CNTN3: variants seen among roughly 807,000 people sequenced by gnomAD.
The protein encoded by CNTN3 is contactin 3.
Under a neutral mutation model 119.1 loss-of-function variants are expected in CNTN3, and 60 were observed. The ratio of observed to expected loss-of-function variants is 0.50; its 90% CI spans 0.41 to 0.62. The LOEUF is 0.62. Ranked by LOEUF, CNTN3 falls within the 20% of genes least tolerant of loss-of-function variation. The pLI is 0.00. For missense variants in CNTN3, 1,101 were observed against 1,242.4 expected (o/e 0.89, Z 1.71); for synonymous variants, 450 against 438.7 (o/e 1.03, Z -0.32).
intron 20 of CNTN3, among the ~76,000 whole-genome samples, chr3:74,279,603 C>G (rs56660525): frequency 6.7e-6 from 1 of 148,516 alleles, no homozygotes; most frequent in Admixed American, 6.8e-5. Flanking sequence ...GACGCAAAGG[C>G]GTAAGAATGA....
At chr3:74,506,060 A>G (rs1703254099) in intron 2 of CNTN3, among the ~76,000 whole-genome samples, 1 of 152,198 alleles carries the variant, frequency 6.6e-6, no homozygotes, top group South Asian at 2.1e-4. Flanking sequence ...CTTTCAAAGC[A>G]TGGAGATTTT....
At position 74,327,597 on chromosome 3, in the gene CNTN3, T is replaced by C. The variant is rs1368351444; in HGVS notation, c.1668+7138A>G. ...AATAAGTTAAAAATATTTCACACTTTTAATGTTGTCAAATAGTTTACATAA... is the reference window on the plus strand; with the variant it reads ...AATAAGTTAAAAATATTTCACACTTCTAATGTTGTCAAATAGTTTACATAA... On this transcript the variant is annotated intron_variant, in intron 13 of 22. Coordinates refer to ENST00000263665, the MANE Select transcript of CNTN3 (RefSeq NM_020872.3). 3.9e-5 allele frequency among the ~76,000 whole-genome samples: 6 copies of C among 152,294 alleles called. No homozygotes were observed. The South Asian group carries it at 6.2e-4, about 16-fold the overall frequency.
intron 5 of CNTN3, among the ~76,000 whole-genome samples, chr3:74,422,088 T>C (rs1169551956): frequency 6.6e-6 from 1 of 152,198 alleles, no homozygotes; most frequent in African/African-American, 2.4e-5. Flanking sequence ...TATTTACTGT[T>C]TGTTACAAAC....
intron 1 of CNTN3, among the ~76,000 whole-genome samples, chr3:74,608,256 G>A (rs999417961): frequency 5.9e-5 from 9 of 152,134 alleles, no homozygotes; most frequent in African/African-American, 2.2e-4. Context: ...AAGTGAAATA[G>A]ACTATTCTCG....
At position 74,373,333 on chromosome 3, in the gene CNTN3, G is replaced by A. The variant is rs116571467; in HGVS notation, c.455-1934C>T. Among the ~76,000 whole-genome samples, 676 of 152,218 alleles carry A rather than the reference G, an allele frequency of 4.4e-3. 6 individuals carry two copies. The highest frequency in any genetic ancestry group is 0.015 in the African/African-American group (640 of 41,546). On this transcript the variant is annotated intron_variant, in intron 5 of 22. Coordinates refer to ENST00000263665, the MANE Select transcript of CNTN3 (RefSeq NM_020872.3). Reference sequence around the variant, plus strand: ...CCCTTCAGGGTCTTCCTGCTGCTCCGGCAACCTCACTTTGCAGTAAAGGAG... The same window carrying A: ...CCCTTCAGGGTCTTCCTGCTGCTCCAGCAACCTCACTTTGCAGTAAAGGAG...
intron 1 of CNTN3, among the ~76,000 whole-genome samples, chr3:74,549,629 G>A (rs1703961643): frequency 6.6e-6 from 1 of 152,124 alleles, no homozygotes; most frequent in East Asian, 1.9e-4. Flanking sequence ...ATTACTGCTT[G>A]TCAAACCTCC....
chr3:74,280,972 T>C (rs1476600904), intron 20 of CNTN3, among the ~76,000 whole-genome samples: 1 of 151,460 alleles, frequency 6.6e-6, no homozygotes, highest in South Asian at 2.1e-4. Flanking sequence ...GATGGGGGAG[T>C]GCATTATGTG....
rs186595005 is a variant in CNTN3, at chr3:74,345,283, T to A, written c.1365-8625A>T. Among the ~76,000 whole-genome samples the A allele has an allele frequency of 2.6e-5, 4 of 152,272 alleles. No individual in the cohort carries two copies. In the East Asian group the frequency reaches 7.7e-4, roughly 29 times the overall value. The stretch of plus-strand genomic sequence containing the variant: ...TCCAAGCAGAGAGTTTATCACCAAC[T>A]AGTCAAGCGCAGGTTCTGGTGGGCC... On this transcript the variant is annotated intron_variant, in intron 11 of 22. Coordinates refer to ENST00000263665, the MANE Select transcript of CNTN3 (RefSeq NM_020872.3).
intron 1 of CNTN3, among the ~76,000 whole-genome samples, chr3:74,541,325 C>T (rs535032638): frequency 1.3e-5 from 2 of 152,192 alleles, no homozygotes; most frequent in African/African-American, 4.8e-5. Context: ...TAGCTAATAG[C>T]AAAAACATAA....
intron 1 of CNTN3, among the ~76,000 whole-genome samples, chr3:74,538,488 C>T (rs565600439): frequency 3.9e-5 from 6 of 152,100 alleles, no homozygotes; most frequent in East Asian, 1.9e-4. Context: ...CTTAGCAAAA[C>T]GGGTGCTTTG....
chr3:74,322,219 G>C (rs1000089456), intron 13 of CNTN3, among the ~76,000 whole-genome samples: 1 of 147,204 alleles, frequency 6.8e-6, no homozygotes, highest in South Asian at 2.2e-4. Flanking sequence ...ATGAGCCATA[G>C]ACTTGGAGAA....
chr3:74,430,410 A>C (rs937833114), intron 4 of CNTN3, among the ~76,000 whole-genome samples: 6 of 152,134 alleles, frequency 3.9e-5, no homozygotes, highest in Admixed American at 3.9e-4. Context: ...TTACTATATG[A>C]TTCCATTTAT....
chr3:74,355,785 T>C (rs1703921160), intron 11 of CNTN3, among the ~76,000 whole-genome samples: 1 of 152,066 alleles, frequency 6.6e-6, no homozygotes, highest in Non-Finnish European at 1.5e-5. Context: ...AATTTAATCC[T>C]GTACATCTTC....
At chr3:74,437,526 C>T (rs1318642842) in intron 4 of CNTN3, among the ~76,000 whole-genome samples, 1 of 152,102 alleles carries the variant, frequency 6.6e-6, no homozygotes, top group Non-Finnish European at 1.5e-5. Flanking sequence ...TCTAAAGTAT[C>T]TATTCTAGGA....
intron 5 of CNTN3, among the ~76,000 whole-genome samples, chr3:74,384,863 A>C (rs1401912410): frequency 6.6e-6 from 1 of 152,132 alleles, no homozygotes; most frequent in African/African-American, 2.4e-5. Flanking sequence ...TTTGTTTTGT[A>C]CCAAATTTTA....
chr3:74,398,870 T>C (rs1043478174), intron 5 of CNTN3, among the ~76,000 whole-genome samples: 1 of 152,196 alleles, frequency 6.6e-6, no homozygotes, highest in Admixed American at 6.5e-5. Flanking sequence ...GGTTAATTTT[T>C]TAATTAAGAA....
chr3:74,419,858 C>T (rs1701589301), intron 5 of CNTN3, among the ~76,000 whole-genome samples: 1 of 152,058 alleles, frequency 6.6e-6, no homozygotes, highest in Non-Finnish European at 1.5e-5. Flanking sequence ...GTCTTATGAC[C>T]TTACTGAAAA....
intron 1 of CNTN3, among the ~76,000 whole-genome samples, chr3:74,573,932 C>A (rs1193015887): frequency 3.9e-5 from 6 of 152,114 alleles, no homozygotes; most frequent in Admixed American, 3.9e-4. Context: ...TGTGACCAAG[C>A]AGTCCTACTC....
chr3:74,477,405 A>G (rs753861223), intron 4 of CNTN3, among the ~76,000 whole-genome samples: 1 of 152,168 alleles, frequency 6.6e-6, no homozygotes, highest in African/African-American at 2.4e-5. Context: ...GAAAAATAAA[A>G]CAGTACTGAC....
Sources: allele counts gnomAD v4.1 joint callset (sites outside exome capture counted in the v4.1 genomes callset), GRCh38; gene constraint gnomAD v4.1.1; transcripts MANE v1.5; gene names NCBI Gene and HGNC (gene_info 2026-07-23, HGNC 2026-07-21).